The following STXBP5L variants were observed in gnomAD, a reference collection of about 807,000 sequenced individuals.
The protein encoded by STXBP5L is syntaxin-binding protein 5-like.
A neutral mutation model predicts 144.5 loss-of-function variants in STXBP5L; 65 were observed. The observed-to-expected ratio is 0.45, with a 90% CI of 0.37 to 0.55. The LOEUF (loss-of-function observed/expected upper bound fraction) is 0.55, where lower values mean the gene tolerates loss of function less well. Ranked by LOEUF, STXBP5L falls within the 20% of genes least tolerant of loss-of-function variation. The pLI, the probability that STXBP5L is intolerant of heterozygous loss-of-function variation, is 0.00. For synonymous variants in STXBP5L, 505 were observed against 469.6 expected (o/e 1.08, Z -0.97); for missense variants, 1,298 against 1,405.5 (o/e 0.92, Z 1.22).
At position 120,955,011 on chromosome 3, in the gene STXBP5L, T is replaced by A; in HGVS notation, c.261T>A (p.Ile87=). The A allele has an allele frequency of 1.9e-6, 3 of 1,612,632 alleles. No individual in the cohort carries two copies. Among genetic ancestry groups the A allele is most frequent in the Non-Finnish European group, 2.5e-6 (3 of 1,179,130 alleles). The change falls in exon 3 of 27, where the codon ATT becomes ATA. Residue 87 remains isoleucine, a synonymous_variant. Transcript: ENST00000471454. ...ATCCAGTTCAGAAAATCTTGGCTATTGGGACGAGAACAGGTGCTATACGAA... is the reference window on the plus strand; with the variant it reads ...ATCCAGTTCAGAAAATCTTGGCTATAGGGACGAGAACAGGTGCTATACGAA... ...AFDPVQKILA[I]GTRTGAIRIL...
intron 17 of STXBP5L, among the ~76,000 whole-genome samples, chr3:121,257,653 G>T (rs1428832090): frequency 6.6e-6 from 1 of 152,192 alleles, no homozygotes; most frequent in African/African-American, 2.4e-5. Flanking sequence ...TATGGGGTGT[G>T]ATGGCTCACG....
intron 15 of STXBP5L, among the ~76,000 whole-genome samples, chr3:121,253,973 A>T (rs2050127182): frequency 1.3e-5 from 2 of 151,748 alleles, no homozygotes. Context: ...ATTCTTTACG[A>T]CAAAAAAATC....
intron 19 of STXBP5L, among the ~76,000 whole-genome samples, chr3:121,280,841 C>T (rs986313407): frequency 7.3e-5 from 11 of 151,076 alleles, no homozygotes; most frequent in Admixed American, 3.3e-4. Context: ...TTTGGGAGGC[C>T]GAGGTGAGAG....
In STXBP5L at chr3:121,002,306, T is replaced by C. The variant is rs186985685; in HGVS notation, c.288-39394T>C. ...TTAGTGCTTCCCTGATGATTAGTAA[T>C]GTTGAGCGCATTTTCATATATCTAT... On this transcript the variant is annotated intron_variant, in intron 3 of 26. Coordinates refer to ENST00000471454, the MANE Select transcript of STXBP5L (RefSeq NM_001308330.2). 3.6e-3 allele frequency among the ~76,000 whole-genome samples: 547 copies of C among 152,334 alleles called. 1 individual carries two copies. Among genetic ancestry groups the C allele is most frequent in the African/African-American group, 0.013 (532 of 41,586 alleles).
chr3:121,245,335 GAAGT>G (rs973498594), intron 14 of STXBP5L, among the ~76,000 whole-genome samples: 11 of 146,890 alleles, frequency 7.5e-5, no homozygotes, highest in African/African-American at 2.2e-4. Context: ...AAAAGGAATA[GAAGT>G]ATGTCACTAA....
chr3:121,073,870 T>G (rs369758111), intron 5 of STXBP5L, among the ~76,000 whole-genome samples: 37 of 152,228 alleles, frequency 2.4e-4, no homozygotes, highest in African/African-American at 8.9e-4. Flanking sequence ...TTTTCACTCA[T>G]GTCCAAGCTC....
At chr3:121,016,111 C>T (rs1340869625) in intron 3 of STXBP5L, among the ~76,000 whole-genome samples, 1 of 152,176 alleles carries the variant, frequency 6.6e-6, no homozygotes, top group South Asian at 2.1e-4. Flanking sequence ...ATCAAGTGCA[C>T]TTACACAGAT....
At chr3:121,094,933 G>T (rs1451689943) in intron 5 of STXBP5L, among the ~76,000 whole-genome samples, 2 of 152,108 alleles carry the variant, frequency 1.3e-5, no homozygotes, top group South Asian at 2.1e-4. Context: ...TCCATGTTTA[G>T]TGCTTCCTTC....
intron 9 of STXBP5L, among the ~76,000 whole-genome samples, chr3:121,195,639 T>A (rs2108188993): frequency 6.6e-6 from 1 of 152,356 alleles, no homozygotes; most frequent in African/African-American, 2.4e-5. Context: ...AGTGAATTAG[T>A]GTGTGTATGT....
chr3:120,991,936 A>C (rs986624387), intron 3 of STXBP5L, among the ~76,000 whole-genome samples: 2 of 152,186 alleles, frequency 1.3e-5, no homozygotes, highest in Non-Finnish European at 2.9e-5. Context: ...CGTTGTGCAG[A>C]TGTACCCTAA....
chr3:121,291,711 C>T (rs561177424), intron 19 of STXBP5L, among the ~76,000 whole-genome samples: 1 of 152,194 alleles, frequency 6.6e-6, no homozygotes, highest in South Asian at 2.1e-4. Context: ...AAGATAGGCA[C>T]ATAGACCACT....
At chr3:121,146,595 G>C (rs1254722603) in intron 7 of STXBP5L, among the ~76,000 whole-genome samples, 1 of 151,556 alleles carries the variant, frequency 6.6e-6, no homozygotes, top group Non-Finnish European at 1.5e-5. Context: ...GCTGTTACAA[G>C]AGATACATTT....
chr3:120,987,185 C>T (rs1330689326), intron 3 of STXBP5L, among the ~76,000 whole-genome samples: 2 of 151,930 alleles, frequency 1.3e-5, no homozygotes, highest in African/African-American at 4.8e-5. Context: ...ATTTAATTTT[C>T]TAAGAAGATG....
intron 2 of STXBP5L, among the ~76,000 whole-genome samples, chr3:120,937,590 C>T (rs910277598): frequency 6.6e-6 from 1 of 152,126 alleles, no homozygotes; most frequent in Admixed American, 6.5e-5. Context: ...GCAATTTGTC[C>T]TGTGACCTTA....
chr3:121,083,419 T>C (rs904448814), intron 5 of STXBP5L, among the ~76,000 whole-genome samples: 45 of 152,054 alleles, frequency 3.0e-4, no homozygotes, highest in African/African-American at 1.0e-3. Context: ...TCCAATACTT[T>C]GGGAGGCTGA....
intron 3 of STXBP5L, among the ~76,000 whole-genome samples, chr3:120,969,764 T>C (rs1940028108): frequency 6.6e-6 from 1 of 152,038 alleles, no homozygotes; most frequent in Admixed American, 6.6e-5. Flanking sequence ...TACATGTGGC[T>C]TGCACTCTTT....
chr3:120,989,667 C>T (rs1942640877), intron 3 of STXBP5L, among the ~76,000 whole-genome samples: 3 of 152,130 alleles, frequency 2.0e-5, no homozygotes, highest in Admixed American at 2.0e-4. Flanking sequence ...TCCCGCTCTA[C>T]TAGTTTTTGT....
intron 2 of STXBP5L, among the ~76,000 whole-genome samples, chr3:120,923,110 C>G (rs1389365708): frequency 6.6e-6 from 1 of 151,898 alleles, no homozygotes; most frequent in Non-Finnish European, 1.5e-5. Flanking sequence ...TTCCTTTCTT[C>G]TAAATTTTCT....
intron 1 of STXBP5L, among the ~76,000 whole-genome samples, chr3:120,908,844 A>G (rs991770635): frequency 2.7e-5 from 3 of 112,742 alleles, no homozygotes; most frequent in Non-Finnish European, 3.6e-5. Flanking sequence ...GGGAAAGAGG[A>G]CGCGGGGAGG....
Sources: allele counts gnomAD v4.1 joint callset (sites outside exome capture counted in the v4.1 genomes callset), GRCh38; gene constraint gnomAD v4.1.1; transcripts MANE v1.5; gene names NCBI Gene and HGNC (gene_info 2026-07-23, HGNC 2026-07-21).